Variants in AFM observed in about 807,000 individuals in gnomAD.
AFM encodes alpha-Alb.
AFM carries 82 observed loss-of-function variants against 68.7 expected under a neutral mutation model. The ratio of observed to expected loss-of-function variants is 1.19; its 90% CI spans 1.00 to 1.43. The LOEUF is 1.43. Ranked by LOEUF, AFM falls within the 40% of genes most tolerant of loss-of-function variation. AFM has a pLI of 0.00. For synonymous variants in AFM, 250 were observed against 234.2 expected, an observed-to-expected ratio of 1.07 and a Z score of -0.61; for missense variants, 772 against 701.8, an observed-to-expected ratio of 1.10 and a Z score of -1.13.
intron 7 of AFM, among the ~76,000 whole-genome samples, 194 bp from the exon 8 acceptor site, chr4:73,491,678 T>C (rs1176699597): frequency 3.3e-5 from 5 of 152,242 alleles, no homozygotes; most frequent in African/African-American, 9.6e-5. Flanking sequence ...TCTTAAATCC[T>C]GAGAAGTTTT....
At chr4:73,484,181 T>TGTTCCTG (rs1720790285) in intron 2 of AFM, 77 bp from the exon 3 acceptor site, 2 of 1,512,696 alleles carry the variant, frequency 1.3e-6, no homozygotes, top group East Asian at 4.7e-5. Flanking sequence ...CTAGTCAGGA[T>TGTTCCTG]GTTCCTGTGA....
intron 3 of AFM, among the ~76,000 whole-genome samples, chr4:73,485,307 A>G (rs549411779): frequency 2.0e-5 from 3 of 152,180 alleles, no homozygotes; most frequent in Non-Finnish European, 4.4e-5. Context: ...TGGAAGGGAA[A>G]TGTAGGCAGC....
At chr4:73,496,382 C>G (rs754402733) in intron 9 of AFM, among the ~76,000 whole-genome samples, 11 of 152,074 alleles carry the variant, frequency 7.2e-5, no homozygotes, top group Non-Finnish European at 1.5e-4. Context: ...TTGTAAGTGA[C>G]CCTGAGATGA....
chr4:73,498,254 T>C (rs1030012344), intron 10 of AFM, among the ~76,000 whole-genome samples: 3 of 151,812 alleles, frequency 2.0e-5, no homozygotes, highest in Admixed American at 1.3e-4. Flanking sequence ...TATGTCAATG[T>C]ATTTTATTAT....
chr4:73,485,811 A>T, intron 3 of AFM, 51 bp from the exon 4 acceptor site: 1 of 1,453,556 alleles, frequency 6.9e-7, no homozygotes, highest in East Asian at 2.3e-5. Flanking sequence ...TGAGTACAGA[A>T]GCTTTACTTT....
At chr4:73,490,179 C>T (rs114753327) in intron 7 of AFM, among the ~76,000 whole-genome samples, 11 of 146,040 alleles carry the variant, frequency 7.5e-5, no homozygotes, top group African/African-American at 2.8e-4. Context: ...CAGAATGAAA[C>T]CTTATTTCAA....
chr4:73,491,443 T>C (rs1156795901), intron 7 of AFM, among the ~76,000 whole-genome samples: 1 of 152,220 alleles, frequency 6.6e-6, no homozygotes, highest in African/African-American at 2.4e-5. Context: ...ATATTTATTT[T>C]GATTTTGCCA....
In AFM at chr4:73,491,882, T is replaced by A; in HGVS notation, c.854T>A (p.Met285Lys). Residue 285 changes from methionine to lysine, a missense_variant, in exon 8 of 15, where the codon ATG becomes AAG. Coordinates refer to ENST00000226355, the MANE Select transcript of AFM (RefSeq NM_001133.2). ...VQCIRDTSKV[M>K]NHICSKQDSI... The stretch of plus-strand genomic sequence containing the variant: ...TCTTATTTGGTACAGAGCAAGGTTA[T>A]GAACCATATTTGTTCAAAACAAGAT... 1 of 1,613,292 alleles carries A rather than the reference T, an allele frequency of 6.2e-7. No homozygotes were observed. Among genetic ancestry groups the A allele is most frequent in the Non-Finnish European group, 8.5e-7 (1 of 1,179,556 alleles).
chr4:73,483,420 C>T (rs1274559318), intron 1 of AFM, among the ~76,000 whole-genome samples: 1 of 152,206 alleles, frequency 6.6e-6, no homozygotes, highest in Non-Finnish European at 1.5e-5. Context: ...TGTGAACAAA[C>T]ATAAATATGC....
intron 9 of AFM, among the ~76,000 whole-genome samples, chr4:73,496,246 A>G (rs568815239): frequency 2.6e-5 from 4 of 152,302 alleles, no homozygotes; most frequent in Non-Finnish European, 4.4e-5. Context: ...TTTTTACGTC[A>G]TTAAACAGAC....
chr4:73,497,444 TTTTAAA>T (rs1365552094), intron 9 of AFM, among the ~76,000 whole-genome samples: 47 of 152,320 alleles, frequency 3.1e-4, no homozygotes, highest in African/African-American at 1.1e-3. Flanking sequence ...AAATTTGGAC[TTTTAAA>T]TTTAGCAAGA....
At chr4:73,494,987 AAGTATATTCACAATT>A (rs1721210974) in intron 8 of AFM, 1 of 175,342 alleles carries the variant, frequency 5.7e-6, no homozygotes, top group African/African-American at 2.4e-5. Context: ...GTATTTTTTA[AAGTATATTCACAATT>A]TATTATTTCC....
chr4:73,497,498 T>C (rs1721287254), intron 9 of AFM, among the ~76,000 whole-genome samples, 154 bp from the exon 10 acceptor site: 1 of 152,208 alleles, frequency 6.6e-6, no homozygotes, highest in South Asian at 2.1e-4. Flanking sequence ...AATTAAGTTC[T>C]TGCACGTGCT....
At chr4:73,503,214 C>G in intron 14 of AFM, 104 bp downstream of exon 14, 2 of 890,866 alleles carry the variant, frequency 2.2e-6, no homozygotes, top group Non-Finnish European at 3.6e-6. Flanking sequence ...GTTCATCCTA[C>G]ATGAACAAGA....
chr4:73,484,228 T>G, intron 2 of AFM, 30 bp from the exon 3 acceptor site: 2 of 1,585,150 alleles, frequency 1.3e-6, no homozygotes, highest in Non-Finnish European at 1.7e-6. Context: ...CTGCAACTGA[T>G]CTTTGTATAC....
intron 8 of AFM, among the ~76,000 whole-genome samples, chr4:73,492,988 T>C (rs1217058651): frequency 6.6e-6 from 1 of 152,026 alleles, no homozygotes; most frequent in African/African-American, 2.4e-5. Context: ...TTATTTCTAA[T>C]AGCATCCTGT....
At chr4:73,501,656 G>A (rs955424343) in intron 12 of AFM, 131 bp from the exon 13 acceptor site, 2 of 888,730 alleles carry the variant, frequency 2.3e-6, no homozygotes, top group African/African-American at 3.4e-5. Flanking sequence ...CCCATTCAAA[G>A]TGGTATATTT....
intron 12 of AFM, among the ~76,000 whole-genome samples, chr4:73,501,238 C>A (rs1040849089): frequency 1.3e-5 from 2 of 151,906 alleles, no homozygotes; most frequent in Middle Eastern, 3.4e-3. Flanking sequence ...TTTAATTGCT[C>A]CTTTGACATC....
At chr4:73,485,724 G>A in intron 3 of AFM, 138 bp from the exon 4 acceptor site, 4 of 637,662 alleles carry the variant, frequency 6.3e-6, no homozygotes, top group Non-Finnish European at 1.1e-5. Context: ...GGAAGGGGAA[G>A]GGGAAGGAGA....
Sources: allele counts gnomAD v4.1 joint callset (sites outside exome capture counted in the v4.1 genomes callset), GRCh38; gene constraint gnomAD v4.1.1; transcripts MANE v1.5; gene names NCBI Gene and HGNC (gene_info 2026-07-23, HGNC 2026-07-21).